DMTF1: variants seen among roughly 807,000 people sequenced by gnomAD.
DMTF1 encodes the protein cyclin-D-binding Myb-like transcription factor 1.
DMTF1 carries 39 observed loss-of-function variants against 91.1 expected under a neutral mutation model. The ratio of observed to expected loss-of-function variants is 0.43; its 90% CI spans 0.33 to 0.56. The LOEUF is 0.56. Ranked by LOEUF, DMTF1 falls within the 20% of genes least tolerant of loss-of-function variation. DMTF1 has a pLI of 0.05. For synonymous variants in DMTF1, 338 were observed against 309.5 expected (o/e 1.09, Z -0.97); for missense variants, 750 against 914.5 (o/e 0.82, Z 2.32).
At chr7:87,170,871 A>C (rs1794915751) in intron 4 of DMTF1, 124 bp from the exon 5 acceptor site, 2 of 665,666 alleles carry the variant, frequency 3.0e-6, no homozygotes, top group Non-Finnish European at 2.7e-6. Flanking sequence ...TATGTATGTG[A>C]AGATGTATTA....
intron 16 of DMTF1, 195 bp downstream of exon 16, chr7:87,194,297 T>TATCTTACCACAGTTCC (rs1443510480): frequency 5.0e-6 from 3 of 597,274 alleles, no homozygotes; most frequent in Non-Finnish European, 8.4e-6. Flanking sequence ...AACCATGTTC[T>TATCTTACCACAGTTCC]ATCTTACCAC....
intron 3 of DMTF1, among the ~76,000 whole-genome samples, chr7:87,165,449 T>C (rs1201610782): frequency 6.6e-6 from 1 of 152,198 alleles, no homozygotes; most frequent in Non-Finnish European, 1.5e-5. Flanking sequence ...TAAGATTCAA[T>C]AGCTTTCCAG....
At position 87,179,685 on chromosome 7, in the gene DMTF1, C is replaced by T; in HGVS notation, c.660C>T (p.Asp220=). The T allele has an allele frequency of 6.3e-7, 1 of 1,575,578 alleles. No homozygotes were observed. ...GAAGAGTGCTTCGCATGTATGATGA[C>T]AGAAACCATGTGGGAAAGTATGAGA... ...VYRRVLRMYD[D]RNHVGKYTPE... The change falls in exon 8 of 18, where the codon GAC becomes GAT. Residue 220 remains aspartate (D), a synonymous_variant. Coordinates refer to ENST00000331242, the MANE Select transcript of DMTF1 (RefSeq NM_001142327.2).
chr7:87,188,504 C>T (rs1190513763), intron 13 of DMTF1, among the ~76,000 whole-genome samples: 8 of 152,078 alleles, frequency 5.3e-5, no homozygotes, highest in Admixed American at 5.2e-4. Flanking sequence ...AGCAGTTGCC[C>T]AACCATTATA....
At chr7:87,164,087 A>T (rs1458991050) in intron 2 of DMTF1, among the ~76,000 whole-genome samples, 5 of 151,544 alleles carry the variant, frequency 3.3e-5, no homozygotes, top group Admixed American at 3.3e-4. Flanking sequence ...AAGCTTAATA[A>T]ACATTGAGTA....
At chr7:87,153,548 C>T (rs1789880403) in intron 1 of DMTF1, among the ~76,000 whole-genome samples, 1 of 150,328 alleles carries the variant, frequency 6.7e-6, no homozygotes, top group African/African-American at 2.5e-5. Flanking sequence ...TAATAGTATA[C>T]AGTATGAGTC....
chr7:87,193,099 TG>T (rs776313142), intron 14 of DMTF1, 98 bp from the exon 15 acceptor site: 7 of 1,278,620 alleles, frequency 5.5e-6, no homozygotes, highest in Admixed American at 1.9e-5. Flanking sequence ...ACCTTCACAA[TG>T]GGTAAGTACA....
intron 1 of DMTF1, among the ~76,000 whole-genome samples, chr7:87,159,408 T>TAGAG (rs16627): frequency 0.8 from 122,012 of 151,638 alleles, 49,410 homozygotes; most frequent in Middle Eastern, 0.94. Flanking sequence ...TGTACACCAA[T>TAGAG]AGAATTTTCA....
chr7:87,153,684 TG>T (rs1789940514), intron 1 of DMTF1, among the ~76,000 whole-genome samples: 1 of 152,234 alleles, frequency 6.6e-6, no homozygotes, highest in Non-Finnish European at 1.5e-5. Flanking sequence ...CAGTCGAGGC[TG>T]CATGTTGGGA....
At chr7:87,184,058 C>T (rs1157758404) in intron 10 of DMTF1, among the ~76,000 whole-genome samples, 1 of 152,164 alleles carries the variant, frequency 6.6e-6, no homozygotes, top group African/African-American at 2.4e-5. Flanking sequence ...TCTTGTCTGT[C>T]AGCCATTGAC....
intron 16 of DMTF1, 118 bp from the exon 17 acceptor site, chr7:87,194,566 T>C: frequency 4.2e-6 from 3 of 718,214 alleles, no homozygotes; most frequent in Non-Finnish European, 6.5e-6. Flanking sequence ...ACTTTTTATT[T>C]TATATTCTGA....
chr7:87,160,373 C>T (rs959248241), intron 1 of DMTF1, among the ~76,000 whole-genome samples: 46 of 151,518 alleles, frequency 3.0e-4, no homozygotes, highest in Non-Finnish European at 5.0e-4. Context: ...CTCCTGGGTT[C>T]AAGTGATTCT....
At chr7:87,193,488 C>T in intron 15 of DMTF1, 135 bp downstream of exon 15, 3 of 926,108 alleles carry the variant, frequency 3.2e-6, no homozygotes, top group Non-Finnish European at 3.3e-6. Flanking sequence ...TATACACCAT[C>T]ACTCTGCCTT....
chr7:87,177,395 T>G (rs1047787769), intron 7 of DMTF1, among the ~76,000 whole-genome samples: 3 of 152,140 alleles, frequency 2.0e-5, no homozygotes, highest in Non-Finnish European at 2.9e-5. Context: ...ATTGGCTATT[T>G]GTGTTTCTTC....
At chr7:87,172,863 G>A (rs150186227) in intron 5 of DMTF1, among the ~76,000 whole-genome samples, 1 of 152,370 alleles carries the variant, frequency 6.6e-6, no homozygotes, top group Non-Finnish European at 1.5e-5. Context: ...AATACAGCTA[G>A]TGGTGGTTGC....
At chr7:87,191,769 CAGCTGAAGTGTA>C (rs1478730105) in intron 14 of DMTF1, among the ~76,000 whole-genome samples, 1 of 152,116 alleles carries the variant, frequency 6.6e-6, no homozygotes. Flanking sequence ...TGGTTTCCTG[CAGCTGAAGTGTA>C]GGTTGAAAGT....
intron 1 of DMTF1, among the ~76,000 whole-genome samples, chr7:87,161,456 C>A (rs960805184): frequency 6.6e-6 from 1 of 152,134 alleles, no homozygotes; most frequent in Non-Finnish European, 1.5e-5. Context: ...GAGCCAAGAT[C>A]GTGCCACTGC....
In DMTF1 at chr7:87,184,594, A is replaced by T. The variant is rs372014781; in HGVS notation, c.1018A>T (p.Thr340Ser). 2.5e-6 allele frequency: 4 copies of T among 1,613,918 alleles called. No individual in the cohort carries two copies. Among genetic ancestry groups the T allele is most frequent in the Non-Finnish European group, 3.4e-6 (4 of 1,179,898 alleles). Residue 340 changes from threonine (T) to serine (S), a missense_variant, in exon 11 of 18, where the codon ACC (threonine) becomes TCC (serine). Physicochemically the swap from Thr to Ser is moderately conservative, Grantham distance 58 (BLOSUM62 1). Coordinates refer to ENST00000331242, the MANE Select transcript of DMTF1 (RefSeq NM_001142327.2). The part of the protein sequence containing the change: ...NWKQSGGTEW[T>S]KEDEINLILR... ...GAAACAGAGTGGGGGTACTGAATGGACCAAGGAAGATGAAATCAATCTCAT... is the reference window on the plus strand; with the variant it reads ...GAAACAGAGTGGGGGTACTGAATGGTCCAAGGAAGATGAAATCAATCTCAT...
At chr7:87,171,888 T>C (rs1450327372) in intron 5 of DMTF1, among the ~76,000 whole-genome samples, 1 of 152,214 alleles carries the variant, frequency 6.6e-6, no homozygotes, top group African/African-American at 2.4e-5. Flanking sequence ...CTACTGCTAT[T>C]GCTTAAGAAT....
Sources: allele counts gnomAD v4.1 joint callset (sites outside exome capture counted in the v4.1 genomes callset), GRCh38; gene constraint gnomAD v4.1.1; transcripts MANE v1.5; gene names NCBI Gene and HGNC (gene_info 2026-07-23, HGNC 2026-07-21).